Variants in GMDS observed in about 807,000 individuals in gnomAD.
GMDS encodes the protein GDP-mannose 4,6-dehydratase.
A neutral mutation model predicts 49.9 loss-of-function variants in GMDS; 20 were observed. The observed-to-expected ratio is 0.40, with a 90% CI of 0.28 to 0.58. GMDS has a LOEUF of 0.58. Ranked by LOEUF, GMDS falls within the 20% of genes least tolerant of loss-of-function variation. The pLI, the probability that GMDS is intolerant of heterozygous loss-of-function variation, is 0.42. For synonymous variants in GMDS, 177 were observed against 178.6 expected (o/e 0.99, Z 0.07); for missense variants, 362 against 481.4 (o/e 0.75, Z 2.32).
intron 7 of GMDS, among the ~76,000 whole-genome samples, chr6:1,868,087 A>G (rs144033746): frequency 0.022 from 3,356 of 152,042 alleles, 119 homozygotes; most frequent in African/African-American, 0.077. Flanking sequence ...CCCGGGTTCA[A>G]GCTATTCTCC....
intron 9 of GMDS, among the ~76,000 whole-genome samples, chr6:1,710,157 C>T (rs1421973448): frequency 6.6e-6 from 1 of 152,252 alleles, no homozygotes; most frequent in Non-Finnish European, 1.5e-5. Flanking sequence ...AACACTGCTC[C>T]TGCAGAGGAA....
At chr6:2,184,240 T>C (rs1314794744) in intron 1 of GMDS, among the ~76,000 whole-genome samples, 1 of 152,222 alleles carries the variant, frequency 6.6e-6, no homozygotes, top group Admixed American at 6.5e-5. Flanking sequence ...GTATATTTTC[T>C]TTCACTATTG....
At chr6:2,236,528 T>C (rs1452928335) in intron 1 of GMDS, among the ~76,000 whole-genome samples, 1 of 152,182 alleles carries the variant, frequency 6.6e-6, no homozygotes. Context: ...TTTGAAGGAT[T>C]CCACTGTAAA....
chr6:1,780,579 C>A (rs949436866), intron 7 of GMDS, among the ~76,000 whole-genome samples: 1 of 152,200 alleles, frequency 6.6e-6, no homozygotes, highest in Non-Finnish European at 1.5e-5. Context: ...TGCTTCCCAG[C>A]CTCTCTGCCT....
chr6:1,742,715 A>G, intron 7 of GMDS, 129 bp from the exon 8 acceptor site: 1 of 597,432 alleles, frequency 1.7e-6, no homozygotes, highest in Non-Finnish European at 3.0e-6. Context: ...GCATATTCTA[A>G]GCACAACAGC....
At chr6:1,704,712 G>A (rs898579340) in intron 9 of GMDS, among the ~76,000 whole-genome samples, 1 of 152,170 alleles carries the variant, frequency 6.6e-6, no homozygotes, top group African/African-American at 2.4e-5. Context: ...CCGTTGTTGT[G>A]GGTATTTTCA....
chr6:2,204,562 AAATC>A (rs1779701292), intron 1 of GMDS, among the ~76,000 whole-genome samples: 1 of 152,248 alleles, frequency 6.6e-6, no homozygotes, highest in African/African-American at 2.4e-5. Flanking sequence ...GTGGCTACTT[AAATC>A]AATTAAAATG....
At chr6:1,665,309 TTTCAA>T (rs1220460667) in intron 9 of GMDS, among the ~76,000 whole-genome samples, 1 of 152,194 alleles carries the variant, frequency 6.6e-6, no homozygotes, top group Non-Finnish European at 1.5e-5. Flanking sequence ...AAGGGATTTG[TTTCAA>T]TTCCTTGTTT....
intron 4 of GMDS, among the ~76,000 whole-genome samples, chr6:2,069,222 A>G (rs1220181681): frequency 1.3e-5 from 2 of 152,230 alleles, no homozygotes; most frequent in Non-Finnish European, 2.9e-5. Context: ...CTATGTAGAA[A>G]GCTGAAACTG....
At chr6:1,699,475 C>T (rs9405145) in intron 9 of GMDS, among the ~76,000 whole-genome samples, 6,193 of 152,016 alleles carry the variant, frequency 0.041, 117 homozygotes, top group South Asian at 0.07. Context: ...CAATACGTGT[C>T]GATCCTCTTA....
intron 7 of GMDS, among the ~76,000 whole-genome samples, chr6:1,828,353 GAGA>G (rs1168025273): frequency 3.9e-5 from 6 of 152,168 alleles, no homozygotes; most frequent in African/African-American, 1.2e-4. Context: ...AAGAAGCAGA[GAGA>G]AGAAGGGGCC....
intron 9 of GMDS, among the ~76,000 whole-genome samples, chr6:1,704,107 T>C (rs906946060): frequency 2.6e-5 from 4 of 152,116 alleles, no homozygotes; most frequent in African/African-American, 9.7e-5. Flanking sequence ...CGTTCTTGAC[T>C]CCAACAAGTT....
At position 1,635,560 on chromosome 6, in the gene GMDS, G is replaced by A. The variant is rs1763119989; in HGVS notation, c.988-11020C>T. Among the ~76,000 whole-genome samples, 2 of 152,176 alleles carry A rather than the reference G, an allele frequency of 1.3e-5. No homozygotes were observed. Among genetic ancestry groups the A allele is most frequent in the Admixed American group, 1.3e-4 (2 of 15,286 alleles). On this transcript the variant is annotated intron_variant, in intron 9 of 10. Transcript: ENST00000380815. The surrounding 1 kb of genome is among the most constrained non-coding windows in gnomAD (Gnocchi z 4.7). ...GCTGACTTTGATGGGAGCTTTGGTG[G>A]GGACTCCGAGGGCGACACTGTGCGG...
chr6:1,852,605 T>C (rs1268008640), intron 7 of GMDS, among the ~76,000 whole-genome samples: 2 of 152,190 alleles, frequency 1.3e-5, no homozygotes, highest in Non-Finnish European at 1.5e-5. Context: ...TTTAGCATTA[T>C]GTTTTTCTTA....
chr6:1,962,938 G>A (rs185084403), intron 4 of GMDS, among the ~76,000 whole-genome samples: 21 of 140,192 alleles, frequency 1.5e-4, no homozygotes, highest in East Asian at 1.3e-3. Flanking sequence ...GTGCAATGGC[G>A]CGATCTGGAC....
In GMDS at chr6:1,746,739, T is replaced by G. The variant is rs887084936; in HGVS notation, c.772-4153A>C. Among the ~76,000 whole-genome samples, 10 of 152,152 alleles carry G rather than the reference T, an allele frequency of 6.6e-5. No homozygotes were observed. The East Asian group carries it at 1.5e-3, about 23-fold the overall frequency. ...TTTTTTGAGACAGAATCTTGCTCTG[T>G]CGCCCAGGCTGGAGTACAGTGGCAC... On this transcript the variant is annotated intron_variant, in intron 7 of 10. Transcript: ENST00000380815.
intron 7 of GMDS, among the ~76,000 whole-genome samples, chr6:1,799,926 C>A (rs1257124470): frequency 1.3e-5 from 2 of 152,186 alleles, no homozygotes; most frequent in African/African-American, 4.8e-5. Context: ...TTAACAGACT[C>A]TCCAAGGGTT....
intron 1 of GMDS, among the ~76,000 whole-genome samples, chr6:2,219,678 C>G (rs1001510033): frequency 6.6e-6 from 1 of 152,120 alleles, no homozygotes; most frequent in African/African-American, 2.4e-5. Flanking sequence ...AAACAGAGCA[C>G]CGACCACACC....
intron 1 of GMDS, among the ~76,000 whole-genome samples, chr6:2,219,418 G>A (rs889927972): frequency 3.3e-5 from 5 of 152,128 alleles, no homozygotes; most frequent in East Asian, 1.9e-4. Context: ...CTATATGGAC[G>A]ATATTCGTAA....
Sources: allele counts gnomAD v4.1 joint callset (sites outside exome capture counted in the v4.1 genomes callset), GRCh38; gene constraint gnomAD v4.1.1; non-coding constraint Gnocchi (gnomAD v3.1); transcripts MANE v1.5; gene names NCBI Gene and HGNC (gene_info 2026-07-23, HGNC 2026-07-21).